Variants in CTNNA3 observed in about 807,000 individuals in gnomAD.
The protein encoded by CTNNA3 is catenin alpha 3, also known as catenin alpha-3.
A neutral mutation model predicts 95.7 loss-of-function variants in CTNNA3; 76 were observed. The ratio of observed to expected loss-of-function variants is 0.79; its 90% confidence interval spans 0.66 to 0.96. The LOEUF is 0.96. Among genes scored for constraint, CTNNA3 ranks in the 40% least tolerant of loss-of-function variants. CTNNA3 has a pLI of 0.00. For missense variants in CTNNA3, 1,191 were observed against 1,089.8 expected (o/e 1.09, Z -1.31); for synonymous variants, 431 against 374.4 (o/e 1.15, Z -1.74).
intron 1 of CTNNA3, among the ~76,000 whole-genome samples, chr10:67,720,536 G>T (rs1042039513): frequency 1.3e-5 from 2 of 152,036 alleles, no homozygotes; most frequent in African/African-American, 4.8e-5. Context: ...AGGAGCTCTT[G>T]TTACGCAGCC....
intron 10 of CTNNA3, among the ~76,000 whole-genome samples, chr10:66,541,647 A>G (rs975799128): frequency 1.1e-4 from 16 of 152,136 alleles, no homozygotes; most frequent in South Asian, 2.1e-4. Flanking sequence ...CTAAAACTTG[A>G]AAGTGGTCTG....
At chr10:67,045,001 G>A (rs1319170598) in intron 7 of CTNNA3, among the ~76,000 whole-genome samples, 2 of 152,176 alleles carry the variant, frequency 1.3e-5, no homozygotes, top group South Asian at 4.2e-4. Context: ...TCTAGGAGAC[G>A]CTCAATAAAT....
At chr10:66,759,070 AG>A (rs1839491943) in intron 9 of CTNNA3, among the ~76,000 whole-genome samples, 1 of 152,208 alleles carries the variant, frequency 6.6e-6, no homozygotes, top group Admixed American at 6.5e-5. Flanking sequence ...GTTGGATACA[AG>A]GGTCCAACAA....
At chr10:66,326,754 C>A (rs1051880779) in intron 12 of CTNNA3, among the ~76,000 whole-genome samples, 6 of 151,894 alleles carry the variant, frequency 4.0e-5, no homozygotes, top group African/African-American at 1.2e-4. Flanking sequence ...GTTGCAACTT[C>A]TTTTTGTTTA....
At chr10:66,770,999 G>GTCTC (rs1466537993) in intron 8 of CTNNA3, among the ~76,000 whole-genome samples, 1 of 152,004 alleles carries the variant, frequency 6.6e-6, no homozygotes, top group African/African-American at 2.4e-5. Flanking sequence ...AGTGAAACTT[G>GTCTC]TCTCTTGTGG....
chr10:67,046,713 C>T (rs1854771901), intron 7 of CTNNA3, among the ~76,000 whole-genome samples: 1 of 152,098 alleles, frequency 6.6e-6, no homozygotes, highest in South Asian at 2.1e-4. Flanking sequence ...TGTATTGACT[C>T]AGCATTTTGT....
At chr10:66,173,316 A>T (rs542960476) in intron 13 of CTNNA3, among the ~76,000 whole-genome samples, 2 of 152,192 alleles carry the variant, frequency 1.3e-5, no homozygotes, top group African/African-American at 4.8e-5. Flanking sequence ...ATAAAAGCCA[A>T]TTGACAAGAA....
At chr10:67,234,295 C>T (rs1431581117) in intron 5 of CTNNA3, among the ~76,000 whole-genome samples, 1 of 152,178 alleles carries the variant, frequency 6.6e-6, no homozygotes, top group Non-Finnish European at 1.5e-5. Context: ...TCCAGCAGCA[C>T]ATCAAAAAGC....
intron 9 of CTNNA3, among the ~76,000 whole-genome samples, chr10:66,740,961 C>A (rs1199285085): frequency 1.3e-5 from 2 of 152,158 alleles, no homozygotes; most frequent in Non-Finnish European, 2.9e-5. Context: ...ATAGGTATCA[C>A]TTGTGGATTT....
rs150117127 is a variant in CTNNA3, at chr10:66,116,729, G to C, written c.1885-13480C>G. On this transcript the variant is annotated intron_variant, in intron 13 of 17. Transcript: ENST00000433211. ...TGTTTAATCGACTCACAATTCCACA[G>C]GCTGTGTAAGAGGCATGGCTGGGGA... Among the ~76,000 whole-genome samples, 3 of 152,118 alleles carry C rather than the reference G, an allele frequency of 2.0e-5. No homozygotes were observed. In the South Asian group the frequency reaches 6.2e-4, roughly 32 times the overall value.
In CTNNA3 at chr10:66,731,557, A is replaced by T. The variant is rs577893755; in HGVS notation, c.1281+34707T>A. Among the ~76,000 whole-genome samples, 12 of 152,254 alleles carry T rather than the reference A, an allele frequency of 7.9e-5. No homozygotes were observed. In the South Asian group the frequency reaches 2.3e-3, roughly 29 times the overall value. On this transcript the variant is annotated intron_variant, in intron 9 of 17. Coordinates refer to ENST00000433211, the MANE Select transcript of CTNNA3 (RefSeq NM_013266.4). ...GCTGCAAAGCTGTTAATAGCTAAGG[A>T]CCTACAACCACATTTTTGTTTTGCA...
At chr10:67,194,090 G>T (rs1441742242) in intron 6 of CTNNA3, among the ~76,000 whole-genome samples, 1 of 151,998 alleles carries the variant, frequency 6.6e-6, no homozygotes, top group African/African-American at 2.4e-5. Flanking sequence ...AACTATGTTT[G>T]TTGGCTACAT....
At position 66,690,959 on chromosome 10, in the gene CTNNA3, T is replaced by C. The variant is rs141977590; in HGVS notation, c.1282-69175A>G. ...CACCAACAGCGTAAAAGTGTTCCTA[T>C]TTCTCCACATCCTCTCCAGCCAAGA... On this transcript the variant is annotated intron_variant, in intron 9 of 17. Coordinates refer to ENST00000433211, the MANE Select transcript of CTNNA3 (RefSeq NM_013266.4). Among the ~76,000 whole-genome samples, 362 of 152,272 alleles carry C rather than the reference T, an allele frequency of 2.4e-3. 1 individual carries two copies. The highest frequency in any genetic ancestry group is 8.6e-3 in the African/African-American group (356 of 41,558).
At chr10:65,943,068 CTT>C (rs749513883) in intron 17 of CTNNA3, among the ~76,000 whole-genome samples, 6 of 142,108 alleles carry the variant, frequency 4.2e-5, no homozygotes, top group African/African-American at 2.5e-5. Context: ...TTTTCTTTTT[CTT>C]TTTTTTTTTT....
intron 17 of CTNNA3, among the ~76,000 whole-genome samples, chr10:65,922,084 A>T (rs1190333075): frequency 1.3e-5 from 2 of 152,190 alleles, no homozygotes; most frequent in African/African-American, 4.8e-5. Flanking sequence ...ATTAGATAGT[A>T]GGGCTGGAAC....
chr10:67,618,520 G>A (rs6480279), intron 2 of CTNNA3, among the ~76,000 whole-genome samples: 38,911 of 151,996 alleles, frequency 0.26, 8,427 homozygotes, highest in African/African-American at 0.58. Context: ...ATCTGCTGCC[G>A]GATTCCCTTT....
chr10:66,691,892 G>A (rs1160359320), intron 9 of CTNNA3, among the ~76,000 whole-genome samples: 1 of 152,092 alleles, frequency 6.6e-6, no homozygotes, highest in Non-Finnish European at 1.5e-5. Context: ...CAGACCTGCA[G>A]CTGAGGGTCC....
chr10:67,729,659 T>C (rs1841263753), intron 1 of CTNNA3, among the ~76,000 whole-genome samples: 1 of 152,126 alleles, frequency 6.6e-6, no homozygotes, highest in Non-Finnish European at 1.5e-5. Context: ...TTTCCAGAGT[T>C]ACTAATATAT....
chr10:65,972,800 C>T (rs150465297), intron 16 of CTNNA3, among the ~76,000 whole-genome samples: 33 of 151,914 alleles, frequency 2.2e-4, no homozygotes, highest in African/African-American at 6.5e-4. Flanking sequence ...AATGCTATTC[C>T]TATCAAGCAA....
Sources: gnomAD v4.1 joint callset for allele counts (sites outside exome capture counted in the v4.1 genomes callset) on GRCh38, gnomAD v4.1.1 for gene constraint, MANE v1.5 for transcripts, NCBI Gene and HGNC (gene_info 2026-07-23, HGNC 2026-07-21) for gene names.